Variants in VWF observed in about 807,000 individuals in gnomAD.
VWF encodes the protein Factor VIII related antigen.
A neutral mutation model predicts 308.6 loss-of-function variants in VWF; 176 were observed. The ratio of observed to expected loss-of-function variants is 0.57; its 90% CI spans 0.50 to 0.65. The LOEUF (loss-of-function observed/expected upper bound fraction) is 0.65. Ranked by LOEUF, VWF falls within the 30% of genes least tolerant of loss-of-function variation. VWF has a pLI of 0.00. For missense variants in VWF, 3,146 were observed against 3,648.2 expected, an observed-to-expected ratio of 0.86 and a Z score of 3.55; for synonymous variants, 1,385 against 1,443.4, an observed-to-expected ratio of 0.96 and a Z score of 0.92.
chr12:6,093,583 G>A (rs58471035), intron 6 of VWF, among the ~76,000 whole-genome samples: 1 of 152,296 alleles, frequency 6.6e-6, no homozygotes, highest in African/African-American at 2.4e-5. Flanking sequence ...GCACCACCAA[G>A]GAACCTTGCT....
In VWF at chr12:6,064,313, A is replaced by G; in HGVS notation, c.1365T>C (p.Leu455=). The G allele has an allele frequency of 6.2e-7, 1 of 1,614,146 alleles. No homozygotes were observed. The highest frequency in any genetic ancestry group is 1.1e-5 in the South Asian group (1 of 91,084). Residue 455 remains leucine, a synonymous_variant, in exon 12 of 52, where the codon CTT becomes CTC. Coordinates refer to ENST00000261405, the MANE Select transcript of VWF (RefSeq NM_000552.5). ...CTCCTGCCCCATGCTTCAGTTTCAC[A>G]AGGCTGTTGTGCAGGCCAGGCAGCC... ...TVRLPGLHNS[L]VKLKHGAGVA... is the part of the protein sequence containing the mutation.
rs185853772 is a variant in VWF, at chr12:6,027,650, A to T, written c.2968-1604T>A. On this transcript the variant is annotated intron_variant, in intron 22 of 51. Transcript: ENST00000261405. Reference sequence around the variant, plus strand: ...ATGGAGGATGGGGCCACAAGCCAAGAATGCAGGCAGCCTCCGGAATGTAAA... The same window carrying T: ...ATGGAGGATGGGGCCACAAGCCAAGTATGCAGGCAGCCTCCGGAATGTAAA... Among the ~76,000 whole-genome samples, 310 of 152,232 alleles carry T rather than the reference A, an allele frequency of 2.0e-3. 2 individuals carry two copies. The highest frequency in any genetic ancestry group is 4.1e-3 in the Non-Finnish European group (277 of 67,994).
rs754363142 is a variant in VWF, at chr12:6,034,781, A to C, written c.2592T>G (p.Asp864Glu). Reference sequence around the variant, plus strand: ...CCATGCCGATCGTGGAGCACGTGGCATCACACACATGGTCTGTGCAGTTCC... The same window carrying C: ...CCATGCCGATCGTGGAGCACGTGGCCTCACACACATGGTCTGTGCAGTTCC... Reference protein sequence around the residue: ...RKWNCTDHVCDATCSTIGMAH... With the variant: ...RKWNCTDHVCEATCSTIGMAH... The change falls in exon 20 of 52, where the codon GAT becomes GAG. Residue 864 changes from aspartate (D) to glutamate (E), a missense_variant. Coordinates refer to ENST00000261405, the MANE Select transcript of VWF (RefSeq NM_000552.5). The C allele has an allele frequency of 6.2e-7, 1 of 1,614,262 alleles. No homozygotes were observed. The highest frequency in any genetic ancestry group is 1.3e-5 in the African/African-American group (1 of 75,074).
At chr12:6,107,652 CAA>C (rs1491517046) in intron 5 of VWF, among the ~76,000 whole-genome samples, 2 of 151,724 alleles carry the variant, frequency 1.3e-5, no homozygotes, top group African/African-American at 4.9e-5. Flanking sequence ...TAGAAAGATT[CAA>C]TATATATATA....
chr12:6,014,861 G>A (rs1438018698), intron 31 of VWF, among the ~76,000 whole-genome samples: 6 of 152,194 alleles, frequency 3.9e-5, no homozygotes, highest in Non-Finnish European at 7.3e-5. Flanking sequence ...GAGAAACCGA[G>A]GCTTTGGACG....
chr12:6,015,045 C>T (rs4021584), intron 31 of VWF, among the ~76,000 whole-genome samples: 2 of 152,206 alleles, frequency 1.3e-5, no homozygotes, highest in East Asian at 1.9e-4. Context: ...CAGGTTGGAA[C>T]GGATTTTCTA....
intron 18 of VWF, among the ~76,000 whole-genome samples, chr12:6,042,378 A>G (rs79122302): frequency 0.014 from 2,079 of 152,310 alleles, 47 homozygotes; most frequent in African/African-American, 0.046. Context: ...CTGCACCATC[A>G]GATGGGCCCA....
At chr12:6,117,881 G>C (rs928227848) in intron 3 of VWF, among the ~76,000 whole-genome samples, 1 of 152,238 alleles carries the variant, frequency 6.6e-6, no homozygotes, top group Non-Finnish European at 1.5e-5. Flanking sequence ...ACTCAGTGAA[G>C]AGGGAGAGCA....
intron 10 of VWF, among the ~76,000 whole-genome samples, chr12:6,068,830 T>TGCGTGTGTGTG (rs1280885022): frequency 2.0e-4 from 25 of 121,988 alleles, no homozygotes; most frequent in African/African-American, 1.0e-3. Flanking sequence ...TTTTTTTTTT[T>TGCGTGTGTGTG]TTTGCGTGTG....
intron 42 of VWF, among the ~76,000 whole-genome samples, chr12:5,977,009 C>T (rs150722359): frequency 2.6e-5 from 4 of 152,294 alleles, no homozygotes; most frequent in African/African-American, 9.6e-5. Context: ...AACGGGTCTC[C>T]ACCCTGTGAA....
At chr12:5,949,296 C>G (rs1943151174) in intron 51 of VWF, 93 bp from the exon 52 acceptor site, 2 of 1,365,668 alleles carry the variant, frequency 1.5e-6, no homozygotes, top group East Asian at 4.7e-5. Context: ...TCCCTGACCC[C>G]CTCCAAGCAA....
At chr12:6,079,461 T>A (rs1591904871) in intron 6 of VWF, among the ~76,000 whole-genome samples, 1 of 148,712 alleles carries the variant, frequency 6.7e-6, no homozygotes, top group Non-Finnish European at 1.5e-5. Context: ...AAAAAAAAAA[T>A]TAGCCGGGCA....
rs1591897648 is a variant in VWF at position 6,067,900 on chromosome 12, G to C, written c.1157-2627C>G. Reference sequence around the variant, plus strand: ...TATAATCCCAGCACTTTGGGAGGCTGAGACAGGCGGAGCACCCAAGGTCAG... The same window carrying C: ...TATAATCCCAGCACTTTGGGAGGCTCAGACAGGCGGAGCACCCAAGGTCAG... On this transcript the variant is annotated intron_variant, in intron 10 of 51. Coordinates refer to ENST00000261405, the MANE Select transcript of VWF (RefSeq NM_000552.5). 2.0e-5 allele frequency among the ~76,000 whole-genome samples: 3 copies of C among 152,264 alleles called. No homozygotes were observed. The East Asian group carries it at 5.8e-4, about 29-fold the overall frequency.
chr12:6,023,513 A>T, intron 25 of VWF, 118 bp downstream of exon 25: 1 of 1,476,352 alleles, frequency 6.8e-7, no homozygotes, highest in South Asian at 1.2e-5. Flanking sequence ...TCCAGTCCCT[A>T]CTAACACTCT....
At chr12:6,114,112 G>C (rs1038791680) in intron 3 of VWF, among the ~76,000 whole-genome samples, 2 of 152,186 alleles carry the variant, frequency 1.3e-5, no homozygotes, top group Admixed American at 1.3e-4. Flanking sequence ...CCGAGCCAAA[G>C]GCATCTCCCT....
At chr12:6,077,501 A>G (rs2239153) in intron 6 of VWF, among the ~76,000 whole-genome samples, 81,149 of 151,700 alleles carry the variant, frequency 0.53, 23,134 homozygotes, top group African/African-American at 0.74. Flanking sequence ...CACCCACGGC[A>G]TGGCTATGAC....
chr12:5,976,591 G>A (rs1272112174), intron 42 of VWF, among the ~76,000 whole-genome samples: 1 of 151,940 alleles, frequency 6.6e-6, no homozygotes, highest in South Asian at 2.1e-4. Context: ...CTATGTCACC[G>A]AGAAGCTGTA....
chr12:6,052,400 C>T (rs902986841), intron 16 of VWF, 143 bp downstream of exon 16: 3 of 1,295,378 alleles, frequency 2.3e-6, no homozygotes, highest in Non-Finnish European at 3.3e-6. Context: ...AGCTCCGCTT[C>T]TGACTTGCTG....
At chr12:6,117,118 T>G (rs981154822) in intron 3 of VWF, among the ~76,000 whole-genome samples, 3 of 152,116 alleles carry the variant, frequency 2.0e-5, no homozygotes, top group Non-Finnish European at 4.4e-5. Flanking sequence ...ACGGTTTTGG[T>G]GAAAATGAAA....
Sources: allele counts gnomAD v4.1 joint callset (sites outside exome capture counted in the v4.1 genomes callset), GRCh38; gene constraint gnomAD v4.1.1; transcripts MANE v1.5; gene names NCBI Gene and HGNC (gene_info 2026-07-23, HGNC 2026-07-21).